DGKB: variants seen among roughly 807,000 people sequenced by gnomAD.
DGKB encodes 90 kDa diacylglycerol kinase.
A neutral mutation model predicts 114.3 loss-of-function variants in DGKB; 67 were observed. That is an observed-to-expected ratio of 0.59 (90% confidence interval 0.48 to 0.72). The LOEUF (loss-of-function observed/expected upper bound fraction) is 0.72. DGKB is among the 30% of genes least tolerant of loss of function. The probability of loss-of-function intolerance (pLI) is 0.00; values close to 1 mark genes in which losing one functional copy is unlikely to be tolerated. For missense variants in DGKB, 907 were observed against 975.2 expected, an observed-to-expected ratio of 0.93 and a Z score of 0.93; for synonymous variants, 398 against 323.1, an observed-to-expected ratio of 1.23 and a Z score of -2.49.
chr7:14,606,037 T>A (rs1319693555), intron 17 of DGKB, among the ~76,000 whole-genome samples: 1 of 152,116 alleles, frequency 6.6e-6, no homozygotes, highest in African/African-American at 2.4e-5. Context: ...CTGGATTAAC[T>A]TGGTTTGATT....
upstream of DGKB, among the ~76,000 whole-genome samples, chr7:14,906,778 C>T (rs953535789): frequency 1.3e-5 from 2 of 152,140 alleles, no homozygotes; most frequent in African/African-American, 2.4e-5. Context: ...AATCACAGCA[C>T]TGTATGTAAA....
Position 14,701,693 on chromosome 7 carries a change from G to A in DGKB, c.504C>T (p.Phe168=). ...FRLYDTDGNG[F]LDSSELENII... The stretch of plus-strand genomic sequence containing the variant: ...AGAAAAAAATTACCGAGCTGTCCAG[G>A]AAGCCATTCCCATCCGTGTCATAAA... Residue 168 remains phenylalanine, a synonymous_variant, in exon 7 of 26, where the codon TTC becomes TTT. Coordinates refer to ENST00000402815, the MANE Select transcript of DGKB (RefSeq NM_001350709.2). 1 of 1,612,018 alleles carries A rather than the reference G, an allele frequency of 6.2e-7. No homozygotes were observed. The highest frequency in any genetic ancestry group is 8.5e-7 in the Non-Finnish European group (1 of 1,178,366).
At chr7:14,971,374 G>A (rs1196179501) in intron 1 of DGKB, among the ~76,000 whole-genome samples, 3 of 152,040 alleles carry the variant, frequency 2.0e-5, no homozygotes, top group Non-Finnish European at 4.4e-5. Flanking sequence ...TCCTACCTCC[G>A]TTTCCACTTC....
At chr7:14,706,358 A>T (rs1206632434) in intron 6 of DGKB, among the ~76,000 whole-genome samples, 9 of 143,520 alleles carry the variant, frequency 6.3e-5, no homozygotes, top group African/African-American at 7.8e-5. Context: ...CTCCCACACA[A>T]TAATAATGGG....
chr7:14,558,577 T>C (rs751537310), intron 20 of DGKB, among the ~76,000 whole-genome samples: 8 of 152,198 alleles, frequency 5.3e-5, no homozygotes, highest in African/African-American at 1.9e-4. Flanking sequence ...GCCACATGTG[T>C]AATTGATTTT....
At chr7:14,413,005 TGAG>T (rs1825138061) in intron 21 of DGKB, among the ~76,000 whole-genome samples, 1 of 147,152 alleles carries the variant, frequency 6.8e-6, no homozygotes, top group Non-Finnish European at 1.5e-5. Context: ...GTCAGTGAGA[TGAG>T]GAGTACCGTG....
chr7:14,469,814 G>C (rs191161599), intron 21 of DGKB, among the ~76,000 whole-genome samples: 13 of 151,822 alleles, frequency 8.6e-5, no homozygotes, highest in Admixed American at 5.3e-4. Context: ...ACATAGAAGA[G>C]CACATATAAT....
chr7:14,726,701 A>T (rs1335834832), intron 5 of DGKB, among the ~76,000 whole-genome samples: 8 of 152,242 alleles, frequency 5.3e-5, no homozygotes, highest in African/African-American at 1.9e-4. Context: ...ACATGTATTT[A>T]TATGTGTGCT....
At chr7:14,155,408 T>C (rs904105317) in intron 25 of DGKB, among the ~76,000 whole-genome samples, 1 of 152,088 alleles carries the variant, frequency 6.6e-6, no homozygotes, top group Non-Finnish European at 1.5e-5. Flanking sequence ...TGTAATATGC[T>C]TTGAGCTAGG....
intron 13 of DGKB, among the ~76,000 whole-genome samples, chr7:14,660,758 C>A (rs1816888983): frequency 6.6e-6 from 1 of 151,830 alleles, no homozygotes; most frequent in Non-Finnish European, 1.5e-5. Flanking sequence ...CAATCCTGAG[C>A]CAAAAGAACA....
intron 21 of DGKB, among the ~76,000 whole-genome samples, chr7:14,379,584 G>C (rs1819066835): frequency 6.6e-6 from 1 of 151,456 alleles, no homozygotes; most frequent in Non-Finnish European, 1.5e-5. Context: ...TTTTGAGATG[G>C]AGTCTTACTC....
In DGKB at chr7:14,353,209, A is replaced by G. The variant is rs561482141; in HGVS notation, c.1836-7818T>C. Reference sequence around the variant, plus strand: ...CTTGAACCTTTTTTTCCTGAGCCATAAGGAAAATGTTATAGGCCAGAAAGG... The same window carrying G: ...CTTGAACCTTTTTTTCCTGAGCCATGAGGAAAATGTTATAGGCCAGAAAGG... On this transcript the variant is annotated intron_variant, in intron 21 of 25. Coordinates refer to ENST00000402815, the MANE Select transcript of DGKB (RefSeq NM_001350709.2). Among the ~76,000 whole-genome samples, 12 of 152,234 alleles carry G rather than the reference A, an allele frequency of 7.9e-5. 1 individual carries two copies. The Middle Eastern group carries it at 0.01, about 129-fold the overall frequency.
intron 23 of DGKB, among the ~76,000 whole-genome samples, chr7:14,188,896 G>GA (rs959133469): frequency 3.3e-5 from 5 of 151,496 alleles, no homozygotes; most frequent in African/African-American, 1.2e-4. Context: ...AGTGCTGAAA[G>GA]AAAAAAAAGC....
intron 25 of DGKB, among the ~76,000 whole-genome samples, chr7:14,162,711 T>C (rs1435490888): frequency 2.0e-5 from 3 of 152,170 alleles, no homozygotes. Flanking sequence ...ATTGAATGCA[T>C]TAAAGTGAAG....
At chr7:14,961,428 A>T (rs78742135) in intron 1 of DGKB, among the ~76,000 whole-genome samples, 4,936 of 152,138 alleles carry the variant, frequency 0.032, 242 homozygotes, top group African/African-American at 0.11. Context: ...AATTGTGTTT[A>T]GTAAGTTGAT....
At chr7:14,500,411 C>G (rs372040645) in intron 20 of DGKB, among the ~76,000 whole-genome samples, 1 of 151,108 alleles carries the variant, frequency 6.6e-6, no homozygotes, top group East Asian at 1.9e-4. Flanking sequence ...AACCCTTATT[C>G]TATGTTTAGT....
chr7:14,861,818 T>C (rs1290756308), intron 1 of DGKB, among the ~76,000 whole-genome samples: 2 of 152,022 alleles, frequency 1.3e-5, no homozygotes, highest in African/African-American at 2.4e-5. Flanking sequence ...TTCACTGCTG[T>C]GACAATTCCA....
intron 25 of DGKB, among the ~76,000 whole-genome samples, chr7:14,167,593 T>G (rs1784794825): frequency 6.6e-6 from 1 of 152,222 alleles, no homozygotes; most frequent in Non-Finnish European, 1.5e-5. Context: ...TAGCTGTGTA[T>G]GCATAGATTT....
At chr7:14,792,857 G>A (rs1840870302) in intron 2 of DGKB, among the ~76,000 whole-genome samples, 1 of 151,890 alleles carries the variant, frequency 6.6e-6, no homozygotes. Context: ...TCCCATAAAA[G>A]GAAATTCTAT....
Sources: gnomAD v4.1 joint callset for allele counts (sites outside exome capture counted in the v4.1 genomes callset) on GRCh38, gnomAD v4.1.1 for gene constraint, MANE v1.5 for transcripts, NCBI Gene and HGNC (gene_info 2026-07-23, HGNC 2026-07-21) for gene names.